SERPINE2: variants seen among roughly 807,000 people sequenced by gnomAD.
The protein encoded by SERPINE2 is glia-derived nexin.
Under a neutral mutation model 36.3 loss-of-function variants are expected in SERPINE2, and 14 were observed. That is an observed-to-expected ratio of 0.39 (90% CI 0.25 to 0.60). The LOEUF (loss-of-function observed/expected upper bound fraction) is 0.60. Ranked by LOEUF, SERPINE2 falls within the 20% of genes least tolerant of loss-of-function variation. SERPINE2 has a pLI of 0.57. For synonymous variants in SERPINE2, 192 were observed against 191.8 expected, an observed-to-expected ratio of 1.00 and a Z score of -0.01; for missense variants, 418 against 499.6, an observed-to-expected ratio of 0.84 and a Z score of 1.56.
chr2:224,031,035 C>G, intron 1 of SERPINE2: 1 of 985,322 alleles, frequency 1.0e-6, no homozygotes, highest in Non-Finnish European at 1.2e-6. Context: ...AGGGCTATCA[C>G]GCAGCACGGC....
In SERPINE2 at chr2:224,038,841, C is replaced by T. The variant is rs962992203; in HGVS notation, c.-23+258G>A. 4 of 293,942 alleles carry T rather than the reference C, an allele frequency of 1.4e-5. No homozygotes were observed. In the South Asian group the frequency reaches 5.5e-4, roughly 40 times the overall value. The allele number at this position is 293,942 out of a possible 1,614,324, so 18.2% of individuals were successfully genotyped here. On this transcript the variant is annotated intron_variant, in intron 1 of 8. Transcript: ENST00000409304. The stretch of plus-strand genomic sequence containing the variant: ...CGGGGCGGCCCCGCCTTGCCCTGCC[C>T]GGGTCCCGCTCGGGGCTCCCGGCGG...
chr2:223,996,144 C>G (rs1452558231), intron 3 of SERPINE2, among the ~76,000 whole-genome samples: 1 of 152,132 alleles, frequency 6.6e-6, no homozygotes, highest in Non-Finnish European at 1.5e-5. Flanking sequence ...GGGGTTTTCT[C>G]CAGGTGCTCT....
intron 1 of SERPINE2, among the ~76,000 whole-genome samples, chr2:224,018,788 T>A (rs1158437016): frequency 6.6e-6 from 1 of 152,150 alleles, no homozygotes; most frequent in Non-Finnish European, 1.5e-5. Flanking sequence ...CTGTCCTTCA[T>A]CATTTCCTTT....
chr2:223,997,464 C>A (rs1420584151), intron 3 of SERPINE2, among the ~76,000 whole-genome samples: 1 of 152,214 alleles, frequency 6.6e-6, no homozygotes, highest in Non-Finnish European at 1.5e-5. Flanking sequence ...AGGTGATCCA[C>A]CCACCTTGGC....
intron 1 of SERPINE2, among the ~76,000 whole-genome samples, chr2:224,032,248 T>C (rs1382743390): frequency 1.3e-5 from 2 of 152,242 alleles, no homozygotes; most frequent in Non-Finnish European, 2.9e-5. Flanking sequence ...TTTTCATTTG[T>C]AGTCACCTTA....
chr2:224,028,562 G>C (rs906810447), intron 1 of SERPINE2, among the ~76,000 whole-genome samples: 3 of 152,174 alleles, frequency 2.0e-5, no homozygotes, highest in Non-Finnish European at 1.5e-5. Context: ...CCACCACAGA[G>C]AGACACAGAC....
chr2:224,005,404 G>C (rs1286151404), intron 1 of SERPINE2, among the ~76,000 whole-genome samples: 1 of 152,030 alleles, frequency 6.6e-6, no homozygotes, highest in East Asian at 1.9e-4. Context: ...TTTGATTGAT[G>C]TGCTGGGCAG....
chr2:223,998,714 CA>C, intron 2 of SERPINE2, among the ~76,000 whole-genome samples: 1 of 152,070 alleles, frequency 6.6e-6, no homozygotes, highest in South Asian at 2.1e-4. Context: ...GACCCTGTCT[CA>C]AAAATAAAAA....
chr2:224,000,740 T>C (rs942224873), intron 2 of SERPINE2, among the ~76,000 whole-genome samples: 2 of 152,048 alleles, frequency 1.3e-5, no homozygotes, highest in Admixed American at 1.3e-4. Flanking sequence ...CCTGTGTCCA[T>C]GTGTTCTCAT....
At chr2:223,985,010 G>T in intron 4 of SERPINE2, 60 bp from the exon 5 acceptor site, 1 of 1,482,816 alleles carries the variant, frequency 6.7e-7, no homozygotes, top group Non-Finnish European at 9.4e-7. Flanking sequence ...CAGGATGAGT[G>T]CTTGCTGGTC....
At chr2:224,016,574 C>A (rs953829498) in intron 1 of SERPINE2, among the ~76,000 whole-genome samples, 2 of 151,546 alleles carry the variant, frequency 1.3e-5, no homozygotes, top group Non-Finnish European at 2.9e-5. Context: ...TAAGTTTGGC[C>A]GTTTCTTACA....
intron 1 of SERPINE2, among the ~76,000 whole-genome samples, chr2:224,005,056 T>TTA (rs3080093): frequency 3.1e-4 from 3 of 9,712 alleles, no homozygotes; most frequent in African/African-American, 9.5e-4. Context: ...TTTATATATT[T>TTA]TATATATATT....
chr2:223,986,006 G>C (rs6748795), intron 4 of SERPINE2, among the ~76,000 whole-genome samples: 98,213 of 152,042 alleles, frequency 0.65, 33,942 homozygotes, highest in Non-Finnish European at 0.79. Flanking sequence ...TTTCTTGCAC[G>C]ATTTTCACTG....
At chr2:224,022,145 C>G (rs11675207) in intron 1 of SERPINE2, among the ~76,000 whole-genome samples, 4 of 136,386 alleles carry the variant, frequency 2.9e-5, no homozygotes, top group Admixed American at 7.6e-5. Context: ...GGCAACAGAG[C>G]GAGACTCCTT....
At chr2:224,013,724 G>GACTGGTAATGTC (rs1261757017) in intron 1 of SERPINE2, 2 of 152,216 alleles carry the variant, frequency 1.3e-5, no homozygotes, top group African/African-American at 4.8e-5. Flanking sequence ...AGGTGGGGAG[G>GACTGGTAATGTC]ACTGGTAATG....
intron 4 of SERPINE2, among the ~76,000 whole-genome samples, chr2:223,986,831 C>T (rs1213900774): frequency 2.0e-5 from 3 of 152,102 alleles, no homozygotes; most frequent in Non-Finnish European, 4.4e-5. Flanking sequence ...ATCCAGTCAC[C>T]TCTGCTTGAT....
intron 5 of SERPINE2, among the ~76,000 whole-genome samples, chr2:223,983,128 ATATCTAT>A (rs1253957840): frequency 6.6e-6 from 1 of 152,246 alleles, no homozygotes; most frequent in African/African-American, 2.4e-5. Flanking sequence ...GTACTCTGGA[ATATCTAT>A]TATTCTTCCC....
chr2:224,036,010 T>C (rs1371681074), intron 1 of SERPINE2, among the ~76,000 whole-genome samples: 1 of 151,864 alleles, frequency 6.6e-6, no homozygotes, highest in Non-Finnish European at 1.5e-5. Context: ...AACGGACAAA[T>C]CTTCGCTAAC....
intron 1 of SERPINE2, among the ~76,000 whole-genome samples, chr2:224,022,404 G>C (rs1357200803): frequency 1.3e-5 from 2 of 151,610 alleles, no homozygotes; most frequent in Non-Finnish European, 2.9e-5. Context: ...TTGAACAAAT[G>C]AAAGTACTAG....
Sources: allele counts gnomAD v4.1 joint callset (sites outside exome capture counted in the v4.1 genomes callset), GRCh38; gene constraint gnomAD v4.1.1; transcripts MANE v1.5; gene names NCBI Gene and HGNC (gene_info 2026-07-23, HGNC 2026-07-21).